SOX6: variants seen among roughly 807,000 people sequenced by gnomAD.
The protein encoded by SOX6 is transcription factor SOX-6.
Under a neutral mutation model 97.8 loss-of-function variants are expected in SOX6, and 11 were observed. The observed-to-expected ratio is 0.11, with a 90% CI of 0.07 to 0.19. SOX6 has a LOEUF of 0.19. Among genes scored for constraint, SOX6 ranks in the 10% least tolerant of loss-of-function variants. SOX6 has a pLI of 1.00. For missense variants in SOX6, 810 were observed against 1,039.5 expected, an observed-to-expected ratio of 0.78 and a Z score of 3.04; for synonymous variants, 360 against 371.4, an observed-to-expected ratio of 0.97 and a Z score of 0.35.
chr11:16,550,493 A>T (rs1847670767), intron 4 of SOX6, among the ~76,000 whole-genome samples: 1 of 151,958 alleles, frequency 6.6e-6, no homozygotes, highest in Non-Finnish European at 1.5e-5. Context: ...ATAAAAAAAT[A>T]AAAAATCTAT....
chr11:16,365,324 C>T (rs1274415160), intron 1 of SOX6, among the ~76,000 whole-genome samples: 2 of 141,080 alleles, frequency 1.4e-5, no homozygotes, highest in Non-Finnish European at 3.1e-5. Flanking sequence ...TGTGCATGCA[C>T]GTGTGTGTGT....
intron 3 of SOX6, among the ~76,000 whole-genome samples, chr11:16,633,757 T>C (rs1316222155): frequency 6.6e-6 from 1 of 152,230 alleles, no homozygotes; most frequent in Non-Finnish European, 1.5e-5. Flanking sequence ...AAATTCCATA[T>C]ATAACTCTTG....
chr11:16,313,966 C>T (rs1410127910), intron 3 of SOX6: 1 of 152,058 alleles, frequency 6.6e-6, no homozygotes, highest in Non-Finnish European at 1.5e-5. Context: ...TGCCTTCGTT[C>T]AGCAGACCCT....
At chr11:15,981,030 A>C (rs1853639233) in intron 15 of SOX6, among the ~76,000 whole-genome samples, 1 of 152,134 alleles carries the variant, frequency 6.6e-6, no homozygotes, top group African/African-American at 2.4e-5. Flanking sequence ...CTGGTTTCAA[A>C]TAGGCCCTTA....
chr11:16,497,284 C>G (rs766312826), intron 4 of SOX6, among the ~76,000 whole-genome samples: 2 of 152,134 alleles, frequency 1.3e-5, no homozygotes, highest in Non-Finnish European at 2.9e-5. Context: ...AACTAACACA[C>G]AGAAAGGACA....
intron 9 of SOX6, among the ~76,000 whole-genome samples, chr11:16,060,753 A>G (rs1270519711): frequency 6.6e-6 from 1 of 151,894 alleles, no homozygotes; most frequent in African/African-American, 2.4e-5. Context: ...TTCAAAGCAC[A>G]TAGCTCTAAA....
chr11:16,291,330 T>C (rs1854908988), intron 3 of SOX6, among the ~76,000 whole-genome samples: 1 of 146,424 alleles, frequency 6.8e-6, no homozygotes, highest in Non-Finnish European at 1.5e-5. Context: ...TTTATGTGGC[T>C]CAATAAGTAA....
intron 4 of SOX6, among the ~76,000 whole-genome samples, chr11:16,544,645 A>G (rs1847595079): frequency 6.6e-6 from 1 of 152,152 alleles, no homozygotes; most frequent in African/African-American, 2.4e-5. Flanking sequence ...TATACCAAAT[A>G]TCACTGAATT....
rs369073979 is a variant in SOX6, at chr11:16,066,445, C to T, written c.1102-10544G>A. Among the ~76,000 whole-genome samples the T allele has an allele frequency of 4.6e-5, 7 of 152,092 alleles. No homozygotes were observed. The East Asian group carries it at 9.6e-4, about 21-fold the overall frequency. On this transcript the variant is annotated intron_variant, in intron 9 of 15. Coordinates refer to ENST00000683767, the MANE Select transcript of SOX6 (RefSeq NM_001367873.1). ...GAAATCAGTATATCAAAGAGATATCCGCATCCCCATGTTTATTGCAGCACT... is the reference window on the plus strand; with the variant it reads ...GAAATCAGTATATCAAAGAGATATCTGCATCCCCATGTTTATTGCAGCACT...
At chr11:16,487,628 G>A (rs1176712827) in intron 4 of SOX6, among the ~76,000 whole-genome samples, 1 of 152,128 alleles carries the variant, frequency 6.6e-6, no homozygotes. Flanking sequence ...TAATTTTTAA[G>A]TCCATACCTC....
intron 9 of SOX6, among the ~76,000 whole-genome samples, chr11:16,058,452 G>A (rs771686000): frequency 6.6e-6 from 1 of 152,022 alleles, no homozygotes; most frequent in Non-Finnish European, 1.5e-5. Context: ...ATATATAACA[G>A]CAACGTTCTA....
chr11:16,696,603 A>C (rs1848055589), intron 3 of SOX6, among the ~76,000 whole-genome samples: 2 of 152,356 alleles, frequency 1.3e-5, no homozygotes, highest in Admixed American at 6.5e-5. Context: ...TAGTCTATCA[A>C]GTATAATAGC....
chr11:16,492,044 A>T (rs1860516702), intron 4 of SOX6, among the ~76,000 whole-genome samples: 2 of 152,208 alleles, frequency 1.3e-5, no homozygotes. Context: ...TACCTAAAAA[A>T]GTAGCTTAAG....
At chr11:16,452,173 T>C (rs890212292) in intron 1 of SOX6, among the ~76,000 whole-genome samples, 2 of 152,090 alleles carry the variant, frequency 1.3e-5, no homozygotes, top group Non-Finnish European at 2.9e-5. Flanking sequence ...TCTTGAAGTA[T>C]GTCACAGAAC....
intron 4 of SOX6, among the ~76,000 whole-genome samples, chr11:16,225,666 C>T (rs1178158895): frequency 6.6e-6 from 1 of 152,050 alleles, no homozygotes; most frequent in African/African-American, 2.4e-5. Context: ...TCCATCCTGA[C>T]CCTTTGGTGA....
chr11:16,675,012 C>G (rs1486667512), intron 3 of SOX6, among the ~76,000 whole-genome samples: 3 of 152,098 alleles, frequency 2.0e-5, no homozygotes, highest in Non-Finnish European at 4.4e-5. Flanking sequence ...TTATCCTTGT[C>G]TGCTGACATA....
At chr11:16,312,428 A>T (rs1200689809) in intron 3 of SOX6, 1 of 152,194 alleles carries the variant, frequency 6.6e-6, no homozygotes, top group South Asian at 2.1e-4. Flanking sequence ...TCGGCCTAGG[A>T]TCATATACTT....
intron 6 of SOX6, among the ~76,000 whole-genome samples, chr11:16,139,338 G>C (rs1350516949): frequency 6.6e-6 from 1 of 152,060 alleles, no homozygotes; most frequent in Admixed American, 6.6e-5. Flanking sequence ...TACTATGATG[G>C]TTGCCACGTG....
At chr11:16,575,973 G>C (rs1459117259) in intron 4 of SOX6, among the ~76,000 whole-genome samples, 1 of 152,066 alleles carries the variant, frequency 6.6e-6, no homozygotes, top group Non-Finnish European at 1.5e-5. Context: ...CTACCTCAGA[G>C]TTACTGTGAA....
Sources: allele counts gnomAD v4.1 joint callset (sites outside exome capture counted in the v4.1 genomes callset), GRCh38; gene constraint gnomAD v4.1.1; transcripts MANE v1.5; gene names NCBI Gene and HGNC (gene_info 2026-07-23, HGNC 2026-07-21).